The following STK36 variants were observed in gnomAD, a reference collection of about 807,000 sequenced individuals.
STK36 encodes the protein serine/threonine kinase 36, also known as serine/threonine-protein kinase 36.
In STK36, 116 loss-of-function variants were observed where a neutral mutation model predicts 142.2. The observed-to-expected ratio is 0.82, with a 90% CI of 0.70 to 0.95. The LOEUF (loss-of-function observed/expected upper bound fraction) is 0.95, where lower values mean the gene tolerates loss of function less well. Among genes scored for constraint, STK36 ranks in the 40% least tolerant of loss-of-function variants. STK36 has a pLI of 0.00. For synonymous variants in STK36, 619 were observed against 641.7 expected, an observed-to-expected ratio of 0.96 and a Z score of 0.53; for missense variants, 1,422 against 1,617.2, an observed-to-expected ratio of 0.88 and a Z score of 2.07.
At chr2:218,677,241 A>G (rs1410502690) in intron 6 of STK36, among the ~76,000 whole-genome samples, 2 of 152,168 alleles carry the variant, frequency 1.3e-5, no homozygotes, top group African/African-American at 4.8e-5. Context: ...CCAGGGCTAC[A>G]CACTTTTAAA....
chr2:218,688,796 T>C lies in STK36; in HGVS notation c.1480T>C (p.Ser494Pro). Residue 494 changes from serine to proline, a missense_variant, in exon 12 of 27, where the codon TCC becomes CCC. By Grantham distance (74) the Ser-to-Pro change is moderately conservative. Coordinates refer to ENST00000295709, the MANE Select transcript of STK36 (RefSeq NM_015690.5). Reference sequence around the variant, plus strand: ...CTGCAGTGATTCTGTTGCCTTGTATTCCTTCTGCCGGGAGGCAGGGCTTCC... The same window carrying C: ...CTGCAGTGATTCTGTTGCCTTGTATCCCTTCTGCCGGGAGGCAGGGCTTCC... ...SSCSDSVALY[S>P]FCREAGLPGL... 1.2e-6 allele frequency: 2 copies of C among 1,614,100 alleles called. No homozygotes were observed. The highest frequency in any genetic ancestry group is 1.7e-6 in the Non-Finnish European group (2 of 1,180,014).
intron 9 of STK36, 77 bp downstream of exon 9, chr2:218,680,157 A>C: frequency 1.4e-6 from 2 of 1,419,972 alleles, no homozygotes; most frequent in Non-Finnish European, 1.9e-6. Flanking sequence ...CAAATACAGA[A>C]TGGTCCCTGT....
At chr2:218,698,505 A>G in intron 25 of STK36, 97 bp from the exon 26 acceptor site, 1 of 1,462,546 alleles carries the variant, frequency 6.8e-7, no homozygotes. Context: ...GGCATTTCTC[A>G]CCATAGCTTG....
rs552110222 is a variant in STK36 at position 218,685,061 on chromosome 2, C to G, written c.1237-24C>G. The G allele has an allele frequency of 2.5e-5, 40 of 1,613,686 alleles. No individual in the cohort carries two copies. The South Asian group carries it at 4.4e-4, about 18-fold the overall frequency. ...CTTAGACTTACACACTACTCCTGAC[C>G]CCTTTCACTCCCCTCTGCCTCAGGA... On this transcript the variant is annotated intron_variant, in intron 10 of 26. Coordinates refer to ENST00000295709, the MANE Select transcript of STK36 (RefSeq NM_015690.5).
In STK36 at chr2:218,692,377, T is replaced by G. The variant is rs1244169767; in HGVS notation, c.1915+84T>G. 3 of 1,569,614 alleles carry G rather than the reference T, an allele frequency of 1.9e-6. No individual in the cohort carries two copies. The East Asian group carries it at 6.7e-5, about 35-fold the overall frequency. ...GCTCTTTCTATTGCCATCACCTAGA[T>G]CGCACCTGGCATTTAGTAGGTGCTC... On this transcript the variant is annotated intron_variant, in intron 15 of 26. Transcript: ENST00000295709.
chr2:218,701,062 A>G (rs2106369486), intron 26 of STK36, among the ~76,000 whole-genome samples: 1 of 151,952 alleles, frequency 6.6e-6, no homozygotes, highest in South Asian at 2.1e-4. Context: ...ATATGGTAAT[A>G]TAAATTATGA....
rs1423050546 is a variant in STK36, at chr2:218,672,773, C to CTATA, written c.-56_-53dup. ...AGATGTTGTGGAACTGTCCCTGGAT[C>CTATA]TATAGCTCTTCACCGTCTCTACTTT... is the stretch of plus-strand genomic sequence containing the variant. On this transcript the variant is annotated 5_prime_UTR_variant, in exon 2 of 27. It introduces an in-frame stop codon into an upstream open reading frame of the 5' UTR. Transcript: ENST00000295709. 16 of 1,565,858 alleles carry CTATA rather than the reference C, an allele frequency of 1.0e-5. No homozygotes were observed. The East Asian group carries it at 3.6e-4, about 35-fold the overall frequency.
At chr2:218,696,133 A>G (rs937906970) in intron 21 of STK36, among the ~76,000 whole-genome samples, 18 of 152,274 alleles carry the variant, frequency 1.2e-4, no homozygotes, top group African/African-American at 4.1e-4. Flanking sequence ...AAGTGCTGGG[A>G]TTACAGGCGT....
intron 14 of STK36, among the ~76,000 whole-genome samples, chr2:218,691,125 A>C (rs1454149543): frequency 6.6e-6 from 1 of 152,182 alleles, no homozygotes; most frequent in African/African-American, 2.4e-5. Context: ...TTAGTAGACT[A>C]TGCAGTTCTT....
chr2:218,682,412 T>C (rs1940566217), intron 10 of STK36, among the ~76,000 whole-genome samples: 1 of 152,188 alleles, frequency 6.6e-6, no homozygotes, highest in South Asian at 2.1e-4. Context: ...GATCCTTCAC[T>C]TACACTAACA....
At chr2:218,674,891 C>T (rs758127842) in intron 4 of STK36, among the ~76,000 whole-genome samples, 13 of 152,306 alleles carry the variant, frequency 8.5e-5, no homozygotes, top group Middle Eastern at 3.4e-3. Flanking sequence ...TGAGCCACCA[C>T]GCCCGACCAC....
At chr2:218,693,638 G>T (rs1030716765) in intron 17 of STK36, 85 bp from the exon 18 acceptor site, 12 of 1,271,718 alleles carry the variant, frequency 9.4e-6, no homozygotes, top group Non-Finnish European at 1.2e-5. Flanking sequence ...CTTTTGAGGG[G>T]CTGGCCGGTG....
chr2:218,698,103 G>A (rs1941304673), intron 25 of STK36, 102 bp downstream of exon 25: 1 of 1,485,880 alleles, frequency 6.7e-7, no homozygotes, highest in East Asian at 2.3e-5. Context: ...GCCCCTGTAA[G>A]CATGGAACAG....
At chr2:218,683,999 A>G (rs903157515) in intron 10 of STK36, among the ~76,000 whole-genome samples, 5 of 137,578 alleles carry the variant, frequency 3.6e-5, no homozygotes, top group Non-Finnish European at 7.6e-5. Context: ...GAGCCTTACT[A>G]TATTGCCCAG....
chr2:218,697,243 G>T (rs1382474980), intron 23 of STK36, 30 bp downstream of exon 23: 3 of 1,597,086 alleles, frequency 1.9e-6, no homozygotes, highest in Admixed American at 1.8e-5. Context: ...CTTTTTGGGA[G>T]TGCATTGATC....
Position 218,690,446 on chromosome 2 carries a change from C to G in STK36, c.1659-4C>G. ...GAAATCATGGGCTCATTTTCCACCC[C>G]CAGCCTGCAGGTGTTTCAGGAGGCT... is the stretch of plus-strand genomic sequence containing the variant. On this transcript the variant is annotated splice_polypyrimidine_tract_variant and splice_region_variant and intron_variant, in intron 13 of 26. Transcript: ENST00000295709. 6.2e-7 allele frequency: 1 copy of G among 1,613,430 alleles called. No homozygotes were observed. Among genetic ancestry groups the G allele is most frequent in the Non-Finnish European group, 8.5e-7 (1 of 1,179,450 alleles).
Position 218,676,212 on chromosome 2 carries a change from T to G in STK36, c.618T>G (p.Phe206Leu). ...GTPPFYATSI[F>L]QLVSLILKDP... is the part of the protein sequence containing the mutation. ...CTCCCTTCTATGCTACAAGCATCTT[T>G]CAGCTGGTCAGCCTCATTCTCAAGG... Residue 206 changes from phenylalanine to leucine, a missense_variant, in exon 6 of 27, where the codon TTT (phenylalanine) becomes TTG (leucine). Coordinates refer to ENST00000295709, the MANE Select transcript of STK36 (RefSeq NM_015690.5). The G allele has an allele frequency of 3.1e-6, 5 of 1,614,218 alleles. No individual in the cohort carries two copies. Among genetic ancestry groups the G allele is most frequent in the Non-Finnish European group, 4.2e-6 (5 of 1,180,044 alleles).
At chr2:218,683,382 A>C (rs56863611) in intron 10 of STK36, among the ~76,000 whole-genome samples, 9,102 of 150,236 alleles carry the variant, frequency 0.061, 892 homozygotes, top group African/African-American at 0.21. Context: ...TCAAGCGATT[A>C]TCCTGCCTCA....
chr2:218,678,271 G>A (rs978468044), intron 6 of STK36, among the ~76,000 whole-genome samples: 3 of 152,038 alleles, frequency 2.0e-5, no homozygotes, highest in African/African-American at 7.2e-5. Context: ...TTTATGTAGG[G>A]CAAGATTATG....
Sources: allele counts gnomAD v4.1 joint callset (sites outside exome capture counted in the v4.1 genomes callset), GRCh38; gene constraint gnomAD v4.1.1; transcripts MANE v1.5; gene names NCBI Gene and HGNC (gene_info 2026-07-23, HGNC 2026-07-21).